SUGCT: variants seen among roughly 807,000 people sequenced by gnomAD.
SUGCT encodes succinyl-CoA:glutarate CoA-transferase.
SUGCT carries 41 observed loss-of-function variants against 55.0 expected under a neutral mutation model. The observed-to-expected ratio is 0.74, with a 90% CI of 0.58 to 0.97. The LOEUF is 0.97. Ranked by LOEUF, SUGCT falls within the 50% of genes least tolerant of loss-of-function variation. The pLI is 0.00. For missense variants in SUGCT, 568 were observed against 547.8 expected (o/e 1.04, Z -0.37); for synonymous variants, 187 against 200.4 (o/e 0.93, Z 0.56).
intron 9 of SUGCT, among the ~76,000 whole-genome samples, chr7:40,352,233 A>T (rs541912124): frequency 6.6e-6 from 1 of 152,260 alleles, no homozygotes; most frequent in African/African-American, 2.4e-5. Flanking sequence ...CCAGTTTTGC[A>T]TGCATTTGTG....
chr7:40,416,287 A>C (rs1227880549), intron 9 of SUGCT, among the ~76,000 whole-genome samples: 1 of 151,724 alleles, frequency 6.6e-6, no homozygotes, highest in African/African-American at 2.4e-5. Context: ...TTCCCTTATG[A>C]ACTTTAGTAG....
In SUGCT at chr7:40,544,474, C is replaced by T. The variant is rs546082727; in HGVS notation, c.1089+48088C>T. Among the ~76,000 whole-genome samples the T allele has an allele frequency of 1.5e-4, 23 of 152,248 alleles. 1 individual carries two copies. Among genetic ancestry groups the T allele is most frequent in the Middle Eastern group, 3.4e-3 (1 of 294 alleles). ...ACTTTCCATGTGCATTTTATCATGC[C>T]GAAGCTGACGGTGGTGACAAGTTCC... On this transcript the variant is annotated intron_variant, in intron 12 of 13. Coordinates refer to ENST00000335693, the MANE Select transcript of SUGCT (RefSeq NM_001193313.2).
chr7:40,412,092 G>A (rs1391338343), intron 9 of SUGCT, among the ~76,000 whole-genome samples: 2 of 152,144 alleles, frequency 1.3e-5, no homozygotes, highest in Non-Finnish European at 2.9e-5. Flanking sequence ...CAAATATGAT[G>A]TAAATGACTT....
At chr7:40,672,000 A>G (rs1225989435) in intron 12 of SUGCT, among the ~76,000 whole-genome samples, 1 of 152,190 alleles carries the variant, frequency 6.6e-6, no homozygotes, top group Non-Finnish European at 1.5e-5. Flanking sequence ...AGATCAGTGA[A>G]CAGAAGAGAG....
chr7:40,883,893 T>A, the SUGCT span, among the ~76,000 whole-genome samples: 1 of 152,198 alleles, frequency 6.6e-6, no homozygotes, highest in Non-Finnish European at 1.5e-5. Context: ...GAGCAGGATA[T>A]GCAACCACAG....
chr7:40,396,263 A>G (rs1273959197), intron 9 of SUGCT, among the ~76,000 whole-genome samples: 4 of 152,130 alleles, frequency 2.6e-5, no homozygotes, highest in African/African-American at 9.7e-5. Context: ...ATTTTTTTTG[A>G]ACCTTAGTTT....
chr7:40,988,962 C>A, the SUGCT span, among the ~76,000 whole-genome samples: 1 of 151,492 alleles, frequency 6.6e-6, no homozygotes. Context: ...AACAATACAG[C>A]AAATATCACA....
chr7:40,908,862 T>C, the SUGCT span, among the ~76,000 whole-genome samples: 1 of 152,222 alleles, frequency 6.6e-6, no homozygotes, highest in Non-Finnish European at 1.5e-5. Context: ...CAAAGTAATA[T>C]GGATTTTATT....
intron 9 of SUGCT, among the ~76,000 whole-genome samples, chr7:40,328,794 G>A (rs1796149346): frequency 6.6e-6 from 1 of 152,020 alleles, no homozygotes; most frequent in Non-Finnish European, 1.5e-5. Flanking sequence ...TTGGAGAAAA[G>A]AGACTGATTT....
intron 1 of SUGCT, among the ~76,000 whole-genome samples, chr7:40,138,209 ATTAT>A (rs1289349705): frequency 2.6e-5 from 4 of 152,064 alleles, no homozygotes; most frequent in African/African-American, 9.7e-5. Context: ...ATATGTACGC[ATTAT>A]TTACCACCAA....
the SUGCT span, among the ~76,000 whole-genome samples, chr7:40,945,677 C>T: frequency 6.6e-6 from 1 of 152,180 alleles, no homozygotes; most frequent in Non-Finnish European, 1.5e-5. Context: ...AGCAAAAGTT[C>T]TGAGACTCAA....
intron 6 of SUGCT, among the ~76,000 whole-genome samples, chr7:40,197,138 A>C (rs1247134256): frequency 1.3e-5 from 2 of 152,110 alleles, no homozygotes; most frequent in Non-Finnish European, 2.9e-5. Flanking sequence ...CCCGGCCCTG[A>C]TGATTAACTT....
chr7:40,796,322 C>G (rs1790551722), intron 13 of SUGCT, among the ~76,000 whole-genome samples: 1 of 152,142 alleles, frequency 6.6e-6, no homozygotes, highest in Admixed American at 6.6e-5. Flanking sequence ...GATGAGAACA[C>G]TGATATGGTA....
intron 12 of SUGCT, among the ~76,000 whole-genome samples, chr7:40,683,417 G>A (rs1784337832): frequency 6.6e-6 from 1 of 152,192 alleles, no homozygotes; most frequent in African/African-American, 2.4e-5. Context: ...GTCTGAGCTT[G>A]TGCTTTTTTA....
the SUGCT span, among the ~76,000 whole-genome samples, chr7:40,894,404 C>T: frequency 2.0e-4 from 30 of 152,102 alleles, no homozygotes; most frequent in African/African-American, 7.2e-4. Flanking sequence ...GACATAGGAC[C>T]TGGCAAACAT....
At chr7:40,255,435 G>T (rs1011511418) in intron 7 of SUGCT, among the ~76,000 whole-genome samples, 5 of 151,506 alleles carry the variant, frequency 3.3e-5, no homozygotes, top group Non-Finnish European at 7.4e-5. Context: ...GCCGGGGCCG[G>T]CTGTTCACCT....
intron 1 of SUGCT, among the ~76,000 whole-genome samples, chr7:40,168,616 C>A (rs550292536): frequency 6.6e-6 from 1 of 152,290 alleles, no homozygotes; most frequent in South Asian, 2.1e-4. Flanking sequence ...TTTAAAAGGC[C>A]TGGTCCAGTA....
chr7:40,425,727 T>C (rs1243568029), intron 9 of SUGCT, among the ~76,000 whole-genome samples: 1 of 152,132 alleles, frequency 6.6e-6, no homozygotes, highest in Non-Finnish European at 1.5e-5. Context: ...CCATACGCCA[T>C]TGATAATGGA....
intron 12 of SUGCT, among the ~76,000 whole-genome samples, chr7:40,699,675 C>T (rs906421258): frequency 6.6e-6 from 1 of 152,012 alleles, no homozygotes; most frequent in African/African-American, 2.4e-5. Context: ...TCAAGACCAG[C>T]CTGGTCAATA....
Sources: gnomAD v4.1 joint callset for allele counts (sites outside exome capture counted in the v4.1 genomes callset) on GRCh38, gnomAD v4.1.1 for gene constraint, MANE v1.5 for transcripts, NCBI Gene and HGNC (gene_info 2026-07-23, HGNC 2026-07-21) for gene names.